SCP2: variants seen among roughly 807,000 people sequenced by gnomAD.
SCP2 encodes the protein SCP-2/3-oxoacyl-CoA thiolase.
A neutral mutation model predicts 71.4 loss-of-function variants in SCP2; 48 were observed. That is an observed-to-expected ratio of 0.67 (90% CI 0.53 to 0.86). The LOEUF is 0.86. SCP2 is among the 40% of genes least tolerant of loss of function. The pLI, the probability that SCP2 is intolerant of heterozygous loss-of-function variation, is 0.00. For synonymous variants in SCP2, 220 were observed against 218.1 expected, an observed-to-expected ratio of 1.01 and a Z score of -0.08; for missense variants, 560 against 655.6, an observed-to-expected ratio of 0.85 and a Z score of 1.59.
intron 11 of SCP2, chr1:52,993,725 A>T: frequency 6.2e-7 from 1 of 1,610,182 alleles, no homozygotes; most frequent in South Asian, 1.1e-5. Flanking sequence ...GAAACAAAAC[A>T]TTTGTAATAT....
intron 4 of SCP2, among the ~76,000 whole-genome samples, chr1:52,952,820 T>A (rs947662461): frequency 1.3e-5 from 2 of 150,888 alleles, no homozygotes; most frequent in African/African-American, 4.9e-5. Flanking sequence ...AAACATTGTG[T>A]ATATATATAT....
chr1:53,031,330 C>T (rs555571610), intron 13 of SCP2, among the ~76,000 whole-genome samples: 16 of 152,196 alleles, frequency 1.1e-4, no homozygotes, highest in Non-Finnish European at 2.2e-4. Context: ...ACCTCCCTAC[C>T]AACCTTGTTC....
At chr1:53,019,977 C>T (rs989976117) in intron 12 of SCP2, among the ~76,000 whole-genome samples, 1 of 152,192 alleles carries the variant, frequency 6.6e-6, no homozygotes, top group Non-Finnish European at 1.5e-5. Context: ...ACTTCCACCT[C>T]CTGGGTTCAT....
At chr1:52,973,801 C>T (rs917373097) in intron 6 of SCP2, among the ~76,000 whole-genome samples, 1 of 152,164 alleles carries the variant, frequency 6.6e-6, no homozygotes, top group Admixed American at 6.5e-5. Flanking sequence ...AGAGTCTCAC[C>T]ATGTTGACTA....
chr1:53,003,836 T>G (rs1660468709), intron 11 of SCP2, among the ~76,000 whole-genome samples: 2 of 152,174 alleles, frequency 1.3e-5, no homozygotes, highest in African/African-American at 4.8e-5. Flanking sequence ...CCCTTTTTCT[T>G]TCTTCACAAT....
At chr1:52,969,698 G>T (rs1657285727) in intron 6 of SCP2, among the ~76,000 whole-genome samples, 1 of 151,990 alleles carries the variant, frequency 6.6e-6, no homozygotes, top group African/African-American at 2.4e-5. Flanking sequence ...GCGTGTGCCT[G>T]TAATCCCAGC....
chr1:52,980,126 A>G (rs1318280773), intron 9 of SCP2, among the ~76,000 whole-genome samples: 1 of 151,994 alleles, frequency 6.6e-6, no homozygotes, highest in Non-Finnish European at 1.5e-5. Context: ...GGCACATACT[A>G]CCACGCCAGG....
chr1:52,994,216 G>A (rs1045399823), intron 11 of SCP2: 6 of 1,020,216 alleles, frequency 5.9e-6, no homozygotes, highest in African/African-American at 3.5e-5. Flanking sequence ...AAATATTCCT[G>A]TGGTATGGTC....
chr1:53,033,604 CAAAAAAAAAAA>C (rs59576285), intron 13 of SCP2, among the ~76,000 whole-genome samples: 1 of 79,720 alleles, frequency 1.3e-5, no homozygotes, highest in Non-Finnish European at 3.1e-5. Flanking sequence ...AACTCCATTT[CAAAAAAAAAAA>C]AAAAAAAAAA....
At chr1:53,046,685 T>C (rs1663844667) in intron 14 of SCP2, among the ~76,000 whole-genome samples, 1 of 152,190 alleles carries the variant, frequency 6.6e-6, no homozygotes, top group Admixed American at 6.5e-5. Context: ...TTTAAAATAA[T>C]TTTATTGGAA....
intron 2 of SCP2, among the ~76,000 whole-genome samples, chr1:52,946,335 C>T (rs983718880): frequency 1.3e-5 from 2 of 151,910 alleles, no homozygotes; most frequent in Admixed American, 6.6e-5. Context: ...TTCAAGTGAT[C>T]CTCTCTCTTC....
chr1:53,050,901 G>A lies in SCP2; in HGVS notation c.*197G>A, dbSNP rs1477596762. The A allele has an allele frequency of 7.6e-6, 4 of 529,776 alleles. No homozygotes were observed. Among genetic ancestry groups the A allele is most frequent in the South Asian group, 4.3e-5 (2 of 46,668 alleles). 32.8% of individuals were successfully genotyped at this position (529,776 alleles called of 1,614,324 possible). A position where few individuals can be genotyped will look rare whatever the true frequency, so the allele number is the denominator to read the frequency against. ...GCCTGATGGTATACTACTGCTTTGCGGAATTGCATACAACTGTGCATTACA... is the reference window on the plus strand; with the variant it reads ...GCCTGATGGTATACTACTGCTTTGCAGAATTGCATACAACTGTGCATTACA... On this transcript the variant is annotated 3_prime_UTR_variant, in exon 16 of 16. Transcript: ENST00000371514.
At chr1:52,996,403 G>C (rs758200435) in intron 11 of SCP2, among the ~76,000 whole-genome samples, 1 of 152,200 alleles carries the variant, frequency 6.6e-6, no homozygotes, top group Non-Finnish European at 1.5e-5. Context: ...AGCCCAAAGC[G>C]AAAGATGGTA....
rs537057277 is a variant in SCP2 at position 52,941,683 on chromosome 1, C to T, written c.70-113C>T. 8 of 624,058 alleles carry T rather than the reference C, an allele frequency of 1.3e-5. 1 individual carries two copies. Among genetic ancestry groups the T allele is most frequent in the South Asian group, 6.4e-5 (4 of 62,724 alleles). The allele number at this position is 624,058 out of a possible 1,614,324, so 38.7% of individuals were successfully genotyped here. A position where few individuals can be genotyped will look rare whatever the true frequency, so the allele number is the denominator to read the frequency against. On this transcript the variant is annotated intron_variant, in intron 1 of 15. Coordinates refer to ENST00000371514, the MANE Select transcript of SCP2 (RefSeq NM_002979.5). Reference sequence around the variant, plus strand: ...CCAGGAGGCAGAGGTTGCAGTGAGCCGAGATCATGCCACTGCACTCCAGCC... The same window carrying T: ...CCAGGAGGCAGAGGTTGCAGTGAGCTGAGATCATGCCACTGCACTCCAGCC...
intron 8 of SCP2, among the ~76,000 whole-genome samples, chr1:52,977,317 G>A (rs961078751): frequency 6.6e-6 from 1 of 152,150 alleles, no homozygotes; most frequent in African/African-American, 2.4e-5. Context: ...GAAATAAGTC[G>A]GGTCAGCTTT....
chr1:52,939,268 C>T (rs866881626), intron 1 of SCP2, among the ~76,000 whole-genome samples: 2 of 152,110 alleles, frequency 1.3e-5, no homozygotes, highest in South Asian at 4.1e-4. Flanking sequence ...TGTGTGGTTC[C>T]ATCATAGTGG....
chr1:52,961,229 A>G (rs1204105482), intron 5 of SCP2, among the ~76,000 whole-genome samples: 1 of 148,060 alleles, frequency 6.8e-6, no homozygotes, highest in Non-Finnish European at 1.5e-5. Flanking sequence ...CCTCCCCCCA[A>G]CCCCCACCCC....
intron 13 of SCP2, among the ~76,000 whole-genome samples, chr1:53,037,513 T>C (rs1663042307): frequency 6.7e-6 from 1 of 148,158 alleles, no homozygotes; most frequent in South Asian, 2.1e-4. Context: ...AGGCTGGGAA[T>C]GAAGGGAAAA....
chr1:53,035,393 C>CA (rs961525120), intron 13 of SCP2, among the ~76,000 whole-genome samples: 32 of 151,094 alleles, frequency 2.1e-4, no homozygotes, highest in African/African-American at 4.9e-4. Context: ...TCTATGTTGG[C>CA]AAAAAAAAGA....
Sources: gnomAD v4.1 joint callset for allele counts (sites outside exome capture counted in the v4.1 genomes callset) on GRCh38, gnomAD v4.1.1 for gene constraint, MANE v1.5 for transcripts, NCBI Gene and HGNC (gene_info 2026-07-23, HGNC 2026-07-21) for gene names.